Variants in GRIA1 observed in about 807,000 individuals in gnomAD.
GRIA1 encodes glutamate ionotropic receptor AMPA type subunit 1, also known as glutamate receptor 1.
GRIA1 carries 31 observed loss-of-function variants against 99.2 expected under a neutral mutation model. The ratio of observed to expected loss-of-function variants is 0.31; its 90% CI spans 0.23 to 0.42. GRIA1 has a LOEUF of 0.42. GRIA1 is among the 10% of genes least tolerant of loss of function. GRIA1 has a pLI of 1.00. For missense variants in GRIA1, 782 were observed against 1,157.5 expected (o/e 0.68, Z 4.71); for synonymous variants, 438 against 432.4 (o/e 1.01, Z -0.16).
chr5:153,511,458 A>G (rs1022595405), intron 2 of GRIA1, among the ~76,000 whole-genome samples: 1 of 152,212 alleles, frequency 6.6e-6, no homozygotes, highest in Admixed American at 6.5e-5. Context: ...CAACTCAGGC[A>G]TCTCAACCAG....
At chr5:153,684,169 C>T (rs909613057) in intron 7 of GRIA1, among the ~76,000 whole-genome samples, 1 of 152,134 alleles carries the variant, frequency 6.6e-6, no homozygotes, top group African/African-American at 2.4e-5. Flanking sequence ...AAATAAAGAT[C>T]ATAATCTCTA....
intron 5 of GRIA1, among the ~76,000 whole-genome samples, chr5:153,661,654 TA>T (rs1755378961): frequency 6.6e-6 from 1 of 152,196 alleles, no homozygotes; most frequent in South Asian, 2.1e-4. Context: ...AGGTGTGCTT[TA>T]AAAAGTCAAT....
At chr5:153,557,322 T>C (rs1293742779) in intron 2 of GRIA1, among the ~76,000 whole-genome samples, 2 of 152,184 alleles carry the variant, frequency 1.3e-5, no homozygotes. Flanking sequence ...TAGAGTGCAA[T>C]GGCAAGATCT....
intron 8 of GRIA1, among the ~76,000 whole-genome samples, chr5:153,690,082 C>T (rs568451263): frequency 6.6e-6 from 1 of 152,100 alleles, no homozygotes; most frequent in African/African-American, 2.4e-5. Flanking sequence ...AACGCAGATT[C>T]CTGGGTCCCA....
chr5:153,549,382 G>T (rs1438641802), intron 2 of GRIA1, among the ~76,000 whole-genome samples: 1 of 152,068 alleles, frequency 6.6e-6, no homozygotes, highest in Non-Finnish European at 1.5e-5. Flanking sequence ...GTCTTCCGAG[G>T]TTAACAGTCA....
At chr5:153,535,015 G>T (rs1485294747) in intron 2 of GRIA1, among the ~76,000 whole-genome samples, 1 of 152,012 alleles carries the variant, frequency 6.6e-6, no homozygotes, top group Non-Finnish European at 1.5e-5. Flanking sequence ...TTTACCTCCT[G>T]GGTTCAAGCA....
At chr5:153,571,954 G>T (rs1762150307) in intron 2 of GRIA1, among the ~76,000 whole-genome samples, 1 of 152,102 alleles carries the variant, frequency 6.6e-6, no homozygotes. Context: ...AAGTTGCCAT[G>T]CCATTTTAAG....
intron 13 of GRIA1, among the ~76,000 whole-genome samples, chr5:153,776,590 T>G (rs1322250358): frequency 6.6e-6 from 1 of 152,232 alleles, no homozygotes; most frequent in Non-Finnish European, 1.5e-5. Flanking sequence ...TTATCAATTT[T>G]TTCATATCAC....
At chr5:153,628,039 G>A (rs1374158356) in intron 2 of GRIA1, among the ~76,000 whole-genome samples, 2 of 152,206 alleles carry the variant, frequency 1.3e-5, no homozygotes, top group Non-Finnish European at 2.9e-5. Flanking sequence ...AAACGTCTAA[G>A]CAGCTTGCTT....
In GRIA1 at chr5:153,647,123, A is replaced by G. The variant is rs765514062; in HGVS notation, c.416A>G (p.His139Arg). The change falls in exon 3 of 16, where the codon CAT becomes CGT. Residue 139 changes from histidine to arginine, a missense_variant. His to Arg is a conservative substitution (Grantham distance 29). Around this residue, in one of 5 missense-constraint regions of GRIA1, gnomAD observed 461 missense variants for 521.7 expected, o/e 0.88. Transcript: ENST00000285900. ...GATGCCCTCATCAGCATCATTGACC[A>G]TTACAAGTGGCAGAAATTTGTCTAC... ...LQDALISIID[H>R]YKWQKFVYIY... The G allele has an allele frequency of 1.2e-6, 2 of 1,613,928 alleles. No homozygotes were observed. The highest frequency in any genetic ancestry group is 1.7e-6 in the Non-Finnish European group (2 of 1,179,902).
intron 11 of GRIA1, among the ~76,000 whole-genome samples, chr5:153,715,200 C>T (rs72643421): frequency 0.15 from 23,010 of 151,994 alleles, 2,213 homozygotes; most frequent in East Asian, 0.52. Context: ...CTAAGGCTCA[C>T]CTCCTTATGA....
intron 8 of GRIA1, 129 bp from the exon 9 acceptor site, chr5:153,697,915 G>T: frequency 2.0e-6 from 1 of 509,640 alleles, no homozygotes; most frequent in Non-Finnish European, 3.6e-6. Flanking sequence ...CAATATTTTA[G>T]AGCTCGGTGT....
intron 2 of GRIA1, among the ~76,000 whole-genome samples, chr5:153,520,506 C>T (rs2113368766): frequency 6.6e-6 from 1 of 152,280 alleles, no homozygotes; most frequent in East Asian, 1.9e-4. Context: ...AAGGGCCTAC[C>T]TACAAAAATT....
At chr5:153,688,008 C>A (rs535985736) in intron 8 of GRIA1, among the ~76,000 whole-genome samples, 1 of 152,286 alleles carries the variant, frequency 6.6e-6, no homozygotes, top group South Asian at 2.1e-4. Flanking sequence ...GTTTCTTTGC[C>A]TTTTCCAGTT....
intron 2 of GRIA1, among the ~76,000 whole-genome samples, chr5:153,577,146 A>G (rs1024789590): frequency 1.0e-5 from 1 of 95,456 alleles, no homozygotes; most frequent in Non-Finnish European, 2.3e-5. Flanking sequence ...GGATGGATGG[A>G]TGGATGGTTG....
chr5:153,579,880 AAAAC>A (rs1044097179), intron 2 of GRIA1, among the ~76,000 whole-genome samples: 7 of 145,614 alleles, frequency 4.8e-5, no homozygotes, highest in African/African-American at 1.6e-4. Flanking sequence ...TGAAAAAACA[AAAAC>A]AAACAAACAA....
intron 2 of GRIA1, among the ~76,000 whole-genome samples, chr5:153,506,577 C>T (rs1194504297): frequency 6.6e-6 from 1 of 152,090 alleles, no homozygotes; most frequent in Non-Finnish European, 1.5e-5. Flanking sequence ...GCAGGATAAG[C>T]TCCAGCATCC....
chr5:153,603,477 T>C (rs948412304), intron 2 of GRIA1, among the ~76,000 whole-genome samples: 2 of 152,074 alleles, frequency 1.3e-5, no homozygotes, highest in Admixed American at 6.5e-5. Flanking sequence ...TTTCTAGTTC[T>C]AGATCCCTGA....
In GRIA1 at chr5:153,723,289, C is replaced by T. The variant is rs143050147; in HGVS notation, c.1823+17222C>T. Among the ~76,000 whole-genome samples, 1,118 of 152,308 alleles carry T rather than the reference C, an allele frequency of 7.3e-3. 19 individuals are homozygous for T. Among genetic ancestry groups the T allele is most frequent in the African/African-American group, 0.026 (1,081 of 41,566 alleles). ...CAAGATGGCTGAATAGGAACAGCTC[C>T]GGTCTACAGCTCCCAGCGTGAGTGA... On this transcript the variant is annotated intron_variant, in intron 11 of 15. Coordinates refer to ENST00000285900, the MANE Select transcript of GRIA1 (RefSeq NM_000827.4).
Sources: allele counts gnomAD v4.1 joint callset (sites outside exome capture counted in the v4.1 genomes callset), GRCh38; gene constraint gnomAD v4.1.1; regional missense constraint gnomAD v4.1.1; transcripts MANE v1.5; gene names NCBI Gene and HGNC (gene_info 2026-07-23, HGNC 2026-07-21).